The following RPS6KA5 variants were observed in gnomAD, a reference collection of about 807,000 sequenced individuals.
The protein encoded by RPS6KA5 is ribosomal protein S6 kinase A5.
A neutral mutation model predicts 85.5 loss-of-function variants in RPS6KA5; 27 were observed. The ratio of observed to expected loss-of-function variants is 0.32; its 90% CI spans 0.23 to 0.44. The LOEUF (loss-of-function observed/expected upper bound fraction) is 0.44, where lower values mean the gene tolerates loss of function less well. RPS6KA5 is among the 20% of genes least tolerant of loss of function. The pLI is 1.00. For missense variants in RPS6KA5, 811 were observed against 980.9 expected, an observed-to-expected ratio of 0.83 and a Z score of 2.31; for synonymous variants, 334 against 348.2, an observed-to-expected ratio of 0.96 and a Z score of 0.46.
intron 1 of RPS6KA5, among the ~76,000 whole-genome samples, chr14:91,051,433 TACA>T (rs1171366185): frequency 1.3e-5 from 2 of 152,026 alleles, no homozygotes; most frequent in Non-Finnish European, 2.9e-5. Context: ...AATTTTAAAA[TACA>T]ACAACAATAA....
rs1331431702 is a variant in RPS6KA5 at position 90,870,202 on chromosome 14, T to C, written c.*1872A>G. On this transcript the variant is annotated 3_prime_UTR_variant, in exon 17 of 17. Transcript: ENST00000614987. ...CTTGAAGAGCCAAATATGTTCCCAA[T>C]ATGTCCAATATAATTATAAATATGG... 1 of 152,214 alleles carries C rather than the reference T, an allele frequency of 6.6e-6. No individual in the cohort carries two copies. The highest frequency in any genetic ancestry group is 1.5e-5 in the Non-Finnish European group (1 of 68,026). The allele number at this position is 152,214 out of a possible 1,614,324, so 9.4% of individuals were successfully genotyped here.
At chr14:90,949,086 C>G (rs147751869) in intron 3 of RPS6KA5, among the ~76,000 whole-genome samples, 14 of 152,152 alleles carry the variant, frequency 9.2e-5, no homozygotes, top group Admixed American at 9.2e-4. Flanking sequence ...TTAATTATAC[C>G]TGAACACAAA....
rs2032035714 is a variant in RPS6KA5 at position 90,852,219 on chromosome 14, C to G, written c.*19855G>C. On this transcript the variant is annotated 3_prime_UTR_variant, in exon 17 of 17. Transcript: ENST00000614987. ...ACGCCATTCTCCTGCCTCAGCCTCC[C>G]AAGTACCTGGGACTACAGGTGCCCA... The G allele has an allele frequency of 6.6e-6, 1 of 151,480 alleles. No homozygotes were observed. The highest frequency in any genetic ancestry group is 2.4e-5 in the African/African-American group (1 of 41,204). 9.4% of individuals were successfully genotyped at this position (151,480 alleles called of 1,614,324 possible). A position where few individuals can be genotyped will look rare whatever the true frequency, so the allele number is the denominator to read the frequency against.
intron 3 of RPS6KA5, 49 bp downstream of exon 3, chr14:90,978,257 C>T (rs753138061): frequency 2.9e-6 from 4 of 1,394,790 alleles, no homozygotes; most frequent in Non-Finnish European, 3.9e-6. Flanking sequence ...TAACTTAAGA[C>T]CCAAAGAAAA....
At chr14:91,020,800 A>T (rs12880982) in intron 1 of RPS6KA5, among the ~76,000 whole-genome samples, 74,295 of 151,830 alleles carry the variant, frequency 0.49, 18,431 homozygotes, top group East Asian at 0.55. Flanking sequence ...CATGTCTCTT[A>T]GGTCTCATTT....
At chr14:91,019,071 T>C (rs1328610677) in intron 1 of RPS6KA5, among the ~76,000 whole-genome samples, 1 of 152,150 alleles carries the variant, frequency 6.6e-6, no homozygotes, top group African/African-American at 2.4e-5. Context: ...AGGATAGCTG[T>C]ATCATGTTAG....
chr14:90,920,126 G>A (rs1046426267), intron 7 of RPS6KA5, 80 bp downstream of exon 7: 25 of 919,138 alleles, frequency 2.7e-5, no homozygotes, highest in Admixed American at 2.1e-4. Flanking sequence ...AAAAATTATC[G>A]TTTACATCAG....
intron 1 of RPS6KA5, among the ~76,000 whole-genome samples, chr14:91,008,252 TAGA>T (rs1566857711): frequency 6.6e-6 from 1 of 152,198 alleles, no homozygotes; most frequent in Non-Finnish European, 1.5e-5. Flanking sequence ...ACAATTAAGG[TAGA>T]AATAAAGAGA....
intron 1 of RPS6KA5, among the ~76,000 whole-genome samples, chr14:91,030,627 A>AAG (rs1179618288): frequency 7.1e-6 from 1 of 140,122 alleles, no homozygotes; most frequent in African/African-American, 2.6e-5. Flanking sequence ...AAAAAAAAAA[A>AAG]AAAAAAAAAA....
chr14:90,966,509 C>T (rs964444338), intron 3 of RPS6KA5, among the ~76,000 whole-genome samples: 2 of 152,114 alleles, frequency 1.3e-5, no homozygotes, highest in African/African-American at 2.4e-5. Flanking sequence ...TCCAAAGCTT[C>T]TAAAATAGTA....
chr14:91,050,770 T>TA (rs33992291), intron 1 of RPS6KA5, among the ~76,000 whole-genome samples: 5 of 151,122 alleles, frequency 3.3e-5, no homozygotes, highest in East Asian at 1.9e-4. Context: ...AAAATAAAAA[T>TA]AAAAAAAAAG....
intron 3 of RPS6KA5, among the ~76,000 whole-genome samples, chr14:90,950,060 C>T (rs1454502463): frequency 1.3e-5 from 2 of 152,170 alleles, no homozygotes; most frequent in Non-Finnish European, 2.9e-5. Flanking sequence ...TGCCTTGAAT[C>T]CACGAACATG....
chr14:90,977,031 T>G lies in RPS6KA5; in HGVS notation c.394+1275A>C, dbSNP rs567848688. Among the ~76,000 whole-genome samples the G allele has an allele frequency of 6.6e-5, 10 of 152,296 alleles. No individual in the cohort carries two copies. In the South Asian group the frequency reaches 2.1e-3, roughly 32 times the overall value. On this transcript the variant is annotated intron_variant, in intron 3 of 16. Transcript: ENST00000614987. ...ATGATTCAGACTTGAGCTCCAATCT[T>G]CAAGCATACACAAGATACGTAACTT... is the stretch of plus-strand genomic sequence containing the variant.
chr14:90,944,451 C>CA (rs1310973674), intron 4 of RPS6KA5, among the ~76,000 whole-genome samples: 1 of 150,624 alleles, frequency 6.6e-6, no homozygotes, highest in Non-Finnish European at 1.5e-5. Context: ...CCCATCTCTA[C>CA]AAAAAATTTT....
chr14:90,944,947 TTA>T (rs201836943), intron 4 of RPS6KA5, among the ~76,000 whole-genome samples: 4,766 of 150,278 alleles, frequency 0.032, 250 homozygotes, highest in African/African-American at 0.11. Flanking sequence ...TTTTTTTTTT[TTA>T]AAAGAACAGA....
intron 12 of RPS6KA5, among the ~76,000 whole-genome samples, chr14:90,896,938 G>T (rs537562611): frequency 2.0e-5 from 3 of 152,040 alleles, no homozygotes; most frequent in Admixed American, 1.3e-4. Context: ...GGCCAGACTG[G>T]TCTCAAACTC....
chr14:91,009,478 T>C (rs1298528678), intron 1 of RPS6KA5, among the ~76,000 whole-genome samples: 2 of 152,216 alleles, frequency 1.3e-5, no homozygotes, highest in African/African-American at 2.4e-5. Context: ...CTCAAACTCC[T>C]GGCTCATGCA....
At chr14:90,919,054 T>A (rs901204532) in intron 7 of RPS6KA5, among the ~76,000 whole-genome samples, 2 of 152,204 alleles carry the variant, frequency 1.3e-5, no homozygotes, top group Admixed American at 1.3e-4. Flanking sequence ...ACATCTTCAC[T>A]ATATGGAATA....
intron 1 of RPS6KA5, among the ~76,000 whole-genome samples, chr14:91,004,075 T>G (rs1404578312): frequency 6.6e-6 from 1 of 152,154 alleles, no homozygotes; most frequent in East Asian, 1.9e-4. Context: ...TTCATTTTCT[T>G]GTTTTTTGTT....
Sources: gnomAD v4.1 joint callset for allele counts (sites outside exome capture counted in the v4.1 genomes callset) on GRCh38, gnomAD v4.1.1 for gene constraint, MANE v1.5 for transcripts, NCBI Gene and HGNC (gene_info 2026-07-23, HGNC 2026-07-21) for gene names.